Variants in LHCGR observed in about 807,000 individuals in gnomAD.
LHCGR encodes the protein lutropin-choriogonadotropic hormone receptor.
A neutral mutation model predicts 60.7 loss-of-function variants in LHCGR; 55 were observed. The ratio of observed to expected loss-of-function variants is 0.91; its 90% CI spans 0.73 to 1.13. The LOEUF (loss-of-function observed/expected upper bound fraction) is 1.13, where lower values mean the gene tolerates loss of function less well. Among genes scored for constraint, LHCGR ranks in the 50% most tolerant of loss-of-function variants. The pLI is 0.00. For missense variants in LHCGR, 862 were observed against 836.0 expected (o/e 1.03, Z -0.38); for synonymous variants, 337 against 316.5 (o/e 1.06, Z -0.69).
intron 1 of LHCGR, among the ~76,000 whole-genome samples, chr2:48,745,561 T>C (rs1384124761): frequency 1.3e-5 from 2 of 151,664 alleles, no homozygotes; most frequent in African/African-American, 4.9e-5. Context: ...ATGGATGAAA[T>C]TGGAAATCAT....
At chr2:48,716,277 C>T (rs1351666145) in intron 6 of LHCGR, among the ~76,000 whole-genome samples, 2 of 152,154 alleles carry the variant, frequency 1.3e-5, no homozygotes, top group Non-Finnish European at 2.9e-5. Flanking sequence ...ACTTATATTT[C>T]CATCTAAGTC....
At chr2:48,709,348 C>T (rs544012908) in intron 7 of LHCGR, among the ~76,000 whole-genome samples, 95 of 152,292 alleles carry the variant, frequency 6.2e-4, no homozygotes, top group Middle Eastern at 6.8e-3. Flanking sequence ...GATGAGATTG[C>T]TGCTCCAAGA....
rs752044554 is a variant in LHCGR at position 48,687,744 on chromosome 2, A to G, written c.2053T>C (p.Cys685Arg). ...TTGTCTAGGAGAGCTGTACCTTGAC[A>G]GTGCAATGTGGACAACTTCAAGGTG... ...QSTLKLSTLH[C>R]QGTALLDKTR... Residue 685 changes from cysteine to arginine, a missense_variant, in exon 11 of 11, where the codon TGT becomes CGT. Physicochemically the swap from Cys to Arg is radical, Grantham distance 180. Transcript: ENST00000294954. 1 of 1,614,154 alleles carries G rather than the reference A, an allele frequency of 6.2e-7. No individual in the cohort carries two copies. The highest frequency in any genetic ancestry group is 1.7e-5 in the Admixed American group (1 of 60,008).
At chr2:48,718,131 G>A (rs890348210) in intron 6 of LHCGR, among the ~76,000 whole-genome samples, 7 of 152,034 alleles carry the variant, frequency 4.6e-5, no homozygotes, top group Non-Finnish European at 8.8e-5. Context: ...AGAATTAAAT[G>A]AGGAAGGCTT....
intron 1 of LHCGR, among the ~76,000 whole-genome samples, chr2:48,755,285 CA>C (rs1353995963): frequency 6.6e-6 from 1 of 152,092 alleles, no homozygotes; most frequent in Non-Finnish European, 1.5e-5. Context: ...CAGCCCCAAC[CA>C]GGGGTAAAGA....
intron 6 of LHCGR, among the ~76,000 whole-genome samples, chr2:48,718,716 A>G (rs1427809391): frequency 6.6e-6 from 1 of 152,200 alleles, no homozygotes; most frequent in East Asian, 1.9e-4. Flanking sequence ...AAGTCCTTTT[A>G]TAGCTGAATA....
At chr2:48,740,074 G>A (rs1485419474) in intron 1 of LHCGR, among the ~76,000 whole-genome samples, 1 of 152,190 alleles carries the variant, frequency 6.6e-6, no homozygotes, top group Non-Finnish European at 1.5e-5. Context: ...CAAAGAAAGG[G>A]GTGACAGATG....
chr2:48,754,375 C>T (rs1335847373), intron 1 of LHCGR, among the ~76,000 whole-genome samples: 1 of 152,146 alleles, frequency 6.6e-6, no homozygotes, highest in Non-Finnish European at 1.5e-5. Context: ...GCACAGAATT[C>T]CATCATCTCT....
chr2:48,688,251 G>A lies in LHCGR; in HGVS notation c.1546C>T (p.Pro516Ser). ...GAGAGAGTGGTTTCCACATCCATGG[G>A]GAAGCAAATACTGACCTTCATGTAA... is the stretch of plus-strand genomic sequence containing the variant. ...SNYMKVSICF[P>S]MDVETTLSQV... Residue 516 changes from proline to serine, a missense_variant, in exon 11 of 11, where the codon CCC (proline) becomes TCC (serine). By Grantham distance (74) the Pro-to-Ser change is moderately conservative. Transcript: ENST00000294954. This position sits in a 1 kb window ranked among gnomAD's most constrained non-coding sequence, Gnocchi z 5.2. 4 of 1,614,072 alleles carry A rather than the reference G, an allele frequency of 2.5e-6. No homozygotes were observed. Among genetic ancestry groups the A allele is most frequent in the Non-Finnish European group, 3.4e-6 (4 of 1,180,014 alleles).
rs766173514 is a variant in LHCGR, at chr2:48,688,188, C to T, written c.1609G>A (p.Val537Met). 13 of 1,614,082 alleles carry T rather than the reference C, an allele frequency of 8.1e-6. No homozygotes were observed. In the South Asian group the frequency reaches 1.3e-4, roughly 16 times the overall value. Residue 537 changes from valine (V) to methionine (M), a missense_variant, in exon 11 of 11, where the codon GTG becomes ATG. Coordinates refer to ENST00000294954, the MANE Select transcript of LHCGR (RefSeq NM_000233.4). This position sits in a 1 kb window ranked among gnomAD's most constrained non-coding sequence, Gnocchi z 5.2. ...YILTILILNV[V>M]AFFIICACYI... ...CAAGCACAAATTATGAAGAAGGCCA[C>T]CACATTGAGAATCAGGATGGTTAAT...
At chr2:48,698,485 A>AC in intron 9 of LHCGR, 130 bp downstream of exon 9, 3 of 728,714 alleles carry the variant, frequency 4.1e-6, no homozygotes, top group Non-Finnish European at 7.3e-6. Flanking sequence ...TTTGAAAGTG[A>AC]CCCCATGTCT....
chr2:48,724,870 G>T (rs556543236), intron 4 of LHCGR, among the ~76,000 whole-genome samples: 3 of 152,292 alleles, frequency 2.0e-5, no homozygotes, highest in South Asian at 4.1e-4. Context: ...GACTGATGAC[G>T]TGAAGTACCA....
intron 6 of LHCGR, among the ~76,000 whole-genome samples, chr2:48,722,621 G>A (rs1668552319): frequency 6.6e-6 from 1 of 152,274 alleles, no homozygotes; most frequent in South Asian, 2.1e-4. Flanking sequence ...TCCTGGCCAT[G>A]TGAGGTGCTG....
chr2:48,739,666 G>C (rs1456866693), intron 1 of LHCGR, among the ~76,000 whole-genome samples: 5 of 151,806 alleles, frequency 3.3e-5, no homozygotes, highest in African/African-American at 1.2e-4. Context: ...CTGTTGTGGG[G>C]TGGGGGGAGT....
intron 1 of LHCGR, among the ~76,000 whole-genome samples, chr2:48,740,146 C>T (rs1053058893): frequency 1.1e-4 from 16 of 152,352 alleles, no homozygotes; most frequent in African/African-American, 1.4e-4. Flanking sequence ...GCTTAAAAAA[C>T]GGTGCACGAG....
chr2:48,753,237 G>T (rs1362536301), intron 1 of LHCGR, among the ~76,000 whole-genome samples: 1 of 152,148 alleles, frequency 6.6e-6, no homozygotes, highest in Non-Finnish European at 1.5e-5. Flanking sequence ...ATACTGCTGA[G>T]CTAAGACCAT....
chr2:48,694,137 G>A (rs1572817352), intron 10 of LHCGR, 87 bp downstream of exon 10: 1 of 872,542 alleles, frequency 1.1e-6, no homozygotes, highest in Non-Finnish European at 1.9e-6. Context: ...ACCAAGACTT[G>A]TATCAAAAGA....
rs978079248 is a variant in LHCGR at position 48,708,053 on chromosome 2, A to G, written c.680+895T>C. On this transcript the variant is annotated intron_variant, in intron 8 of 10. Coordinates refer to ENST00000294954, the MANE Select transcript of LHCGR (RefSeq NM_000233.4). ...TGTACCCACTGTCCAGCCAGTCCCA[A>G]TGAGATGAACCAGGTACCTCAGTTG... Among the ~76,000 whole-genome samples the G allele has an allele frequency of 7.2e-5, 11 of 152,138 alleles. No homozygotes were observed. In the South Asian group the frequency reaches 1.2e-3, roughly 17 times the overall value.
intron 1 of LHCGR, among the ~76,000 whole-genome samples, chr2:48,739,116 C>T (rs1297209722): frequency 6.6e-6 from 1 of 152,164 alleles, no homozygotes; most frequent in Non-Finnish European, 1.5e-5. Flanking sequence ...AATGAGATAC[C>T]ATCTCATACC....
Sources: allele counts gnomAD v4.1 joint callset (sites outside exome capture counted in the v4.1 genomes callset), GRCh38; gene constraint gnomAD v4.1.1; non-coding constraint Gnocchi (gnomAD v3.1); transcripts MANE v1.5; gene names NCBI Gene and HGNC (gene_info 2026-07-23, HGNC 2026-07-21).